The following TMEM178B variants were observed in gnomAD, a reference collection of about 807,000 sequenced individuals.
The protein encoded by TMEM178B is transmembrane protein 178B.
TMEM178B carries 5 observed loss-of-function variants against 31.0 expected under a neutral mutation model. The observed-to-expected ratio is 0.16, with a 90% CI of 0.08 to 0.34. TMEM178B has a LOEUF of 0.34. TMEM178B is among the 10% of genes least tolerant of loss of function. TMEM178B has a pLI of 1.00. For synonymous variants in TMEM178B, 164 were observed against 164.0 expected, an observed-to-expected ratio of 1.00 and a Z score of 0.00; for missense variants, 275 against 400.3, an observed-to-expected ratio of 0.69 and a Z score of 2.67.
At chr7:141,411,247 A>C (rs1296419363) in intron 2 of TMEM178B, among the ~76,000 whole-genome samples, 1 of 152,132 alleles carries the variant, frequency 6.6e-6, no homozygotes, top group Non-Finnish European at 1.5e-5. Flanking sequence ...AGAAATTAGA[A>C]TGGTGGAGGC....
rs116947055 is a variant in TMEM178B at position 141,402,520 on chromosome 7, G to A, written c.497-35088G>A. ...CTGTGCAGCTGGTATACCTCAGCGT[G>A]CCAAGCCACCAGCACCCTAGGACCA... On this transcript the variant is annotated intron_variant, in intron 2 of 3. Coordinates refer to ENST00000565468, the MANE Select transcript of TMEM178B (RefSeq NM_001195278.2). Among the ~76,000 whole-genome samples the A allele has an allele frequency of 1.8e-4, 27 of 152,354 alleles. No individual in the cohort carries two copies. The South Asian group carries it at 5.2e-3, about 29-fold the overall frequency.
chr7:141,193,184 G>A (rs1222660684), intron 1 of TMEM178B, among the ~76,000 whole-genome samples: 1 of 152,190 alleles, frequency 6.6e-6, no homozygotes, highest in African/African-American at 2.4e-5. Context: ...GCTCTTGGCT[G>A]CGCTTTTGGG....
chr7:141,436,526 G>A (rs1303938324), intron 2 of TMEM178B, among the ~76,000 whole-genome samples: 1 of 152,130 alleles, frequency 6.6e-6, no homozygotes, highest in Admixed American at 6.5e-5. Context: ...CCAGGGAGCT[G>A]TGGTGGGTGT....
intron 1 of TMEM178B, among the ~76,000 whole-genome samples, chr7:141,095,952 A>G (rs1794952807): frequency 6.6e-6 from 1 of 152,034 alleles, no homozygotes; most frequent in Non-Finnish European, 1.5e-5. Context: ...TATCCATAGG[A>G]GTGGCCAGGT....
intron 1 of TMEM178B, among the ~76,000 whole-genome samples, chr7:141,207,596 T>A (rs1392006757): frequency 6.6e-6 from 1 of 152,212 alleles, no homozygotes; most frequent in Admixed American, 6.5e-5. Flanking sequence ...TTTGGAGAAA[T>A]GTCTGTTCAA....
intron 1 of TMEM178B, among the ~76,000 whole-genome samples, chr7:141,114,639 A>G (rs1795289538): frequency 6.6e-6 from 1 of 152,150 alleles, no homozygotes; most frequent in African/African-American, 2.4e-5. Flanking sequence ...CAAAGTCTCC[A>G]TGGGGCTGAG....
rs1315751885 is a variant in TMEM178B at position 141,145,083 on chromosome 7, C to T, written c.383-67508C>T. On this transcript the variant is annotated intron_variant, in intron 1 of 3. Transcript: ENST00000565468. ...ACTTTTGGTTGCATACTGAGTCAGT[C>T]GGCAAGACTTGCCCCAGGCCTGTGA... Among the ~76,000 whole-genome samples, 6 of 152,180 alleles carry T rather than the reference C, an allele frequency of 3.9e-5. No homozygotes were observed. The South Asian group carries it at 8.3e-4, about 21-fold the overall frequency.
chr7:141,411,934 G>A (rs1800997398), intron 2 of TMEM178B, among the ~76,000 whole-genome samples: 1 of 152,166 alleles, frequency 6.6e-6, no homozygotes, highest in African/African-American at 2.4e-5. Flanking sequence ...AAGGATGCGA[G>A]GGAATGAAGG....
chr7:141,468,263 C>T (rs192167969), intron 3 of TMEM178B, among the ~76,000 whole-genome samples: 1 of 152,310 alleles, frequency 6.6e-6, no homozygotes, highest in Non-Finnish European at 1.5e-5. Flanking sequence ...TCTCAGGCCC[C>T]CACCCCAGAT....
chr7:141,263,260 C>G (rs1563135220), intron 2 of TMEM178B, among the ~76,000 whole-genome samples: 1 of 152,170 alleles, frequency 6.6e-6, no homozygotes, highest in East Asian at 1.9e-4. Flanking sequence ...CCTCTGGCTC[C>G]TTTTTCCTCT....
chr7:141,099,262 G>A (rs1162329356), intron 1 of TMEM178B, among the ~76,000 whole-genome samples: 1 of 152,052 alleles, frequency 6.6e-6, no homozygotes, highest in Non-Finnish European at 1.5e-5. Context: ...TCAATTCCTG[G>A]CCCTTCCCAG....
intron 1 of TMEM178B, among the ~76,000 whole-genome samples, chr7:141,188,139 G>A (rs1338629324): frequency 1.3e-5 from 2 of 152,162 alleles, no homozygotes; most frequent in East Asian, 1.9e-4. Context: ...AGCAAGGGAT[G>A]TTTTTAAAGT....
intron 2 of TMEM178B, among the ~76,000 whole-genome samples, chr7:141,430,653 G>C (rs532753198): frequency 6.6e-6 from 1 of 152,254 alleles, no homozygotes; most frequent in East Asian, 1.9e-4. Flanking sequence ...ACTTCCTTCA[G>C]AGGTGGTTGC....
chr7:141,237,271 G>A (rs1797541712), intron 2 of TMEM178B, among the ~76,000 whole-genome samples: 1 of 152,016 alleles, frequency 6.6e-6, no homozygotes, highest in African/African-American at 2.4e-5. Context: ...TTCTCCTAAG[G>A]GAACAATGTG....
At chr7:141,257,175 G>A (rs916823126) in intron 2 of TMEM178B, among the ~76,000 whole-genome samples, 1 of 152,216 alleles carries the variant, frequency 6.6e-6, no homozygotes, top group African/African-American at 2.4e-5. Flanking sequence ...AGGTAAATAA[G>A]ATATTTCAAG....
chr7:141,290,147 C>T (rs1389401391), intron 2 of TMEM178B, among the ~76,000 whole-genome samples: 1 of 152,194 alleles, frequency 6.6e-6, no homozygotes, highest in Non-Finnish European at 1.5e-5. Context: ...CAGATGGTCT[C>T]CTTGTAGCTC....
chr7:141,127,407 T>C (rs765557829), intron 1 of TMEM178B, among the ~76,000 whole-genome samples: 66 of 152,302 alleles, frequency 4.3e-4, no homozygotes, highest in Non-Finnish European at 6.2e-4. Context: ...GATTTCATGA[T>C]GAGATCATCC....
chr7:141,140,022 C>G (rs1488952887), intron 1 of TMEM178B, among the ~76,000 whole-genome samples: 1 of 152,082 alleles, frequency 6.6e-6, no homozygotes, highest in African/African-American at 2.4e-5. Flanking sequence ...CACCTCAGTC[C>G]CCCAGAGTGC....
chr7:141,181,585 G>T (rs1563109908), intron 1 of TMEM178B, among the ~76,000 whole-genome samples: 1 of 152,178 alleles, frequency 6.6e-6, no homozygotes, highest in South Asian at 2.1e-4. Context: ...CATTAACATT[G>T]CATTTCTTTG....
Sources: allele counts gnomAD v4.1 joint callset (sites outside exome capture counted in the v4.1 genomes callset), GRCh38; gene constraint gnomAD v4.1.1; transcripts MANE v1.5; gene names NCBI Gene and HGNC (gene_info 2026-07-23, HGNC 2026-07-21).